STK32B: variants seen among roughly 807,000 people sequenced by gnomAD.
STK32B encodes the protein serine/threonine kinase 32B.
Under a neutral mutation model 52.6 loss-of-function variants are expected in STK32B, and 43 were observed. The ratio of observed to expected loss-of-function variants is 0.82; its 90% CI spans 0.64 to 1.05. The LOEUF (loss-of-function observed/expected upper bound fraction) is 1.05, where lower values mean the gene tolerates loss of function less well. Ranked by LOEUF, STK32B falls within the 50% of genes least tolerant of loss-of-function variation. STK32B has a pLI of 0.00. For synonymous variants in STK32B, 238 were observed against 204.3 expected (o/e 1.17, Z -1.41); for missense variants, 621 against 534.6 (o/e 1.16, Z -1.59).
chr4:5,115,298 T>A (rs1296616406), intron 1 of STK32B, among the ~76,000 whole-genome samples: 1 of 152,142 alleles, frequency 6.6e-6, no homozygotes, highest in Non-Finnish European at 1.5e-5. Flanking sequence ...CAAGCCCAGT[T>A]CTAATCTCTG....
intron 3 of STK32B, among the ~76,000 whole-genome samples, chr4:5,224,437 T>G (rs1215918423): frequency 6.6e-6 from 1 of 152,180 alleles, no homozygotes; most frequent in Non-Finnish European, 1.5e-5. Context: ...GAGACACAAG[T>G]ATAAATTTGT....
chr4:5,484,327 C>T (rs1210478479), intron 11 of STK32B, among the ~76,000 whole-genome samples: 1 of 152,140 alleles, frequency 6.6e-6, no homozygotes, highest in Non-Finnish European at 1.5e-5. Flanking sequence ...GAATTGATCC[C>T]TTTACCATTA....
chr4:5,099,460 G>A (rs931029146), intron 1 of STK32B, among the ~76,000 whole-genome samples: 2 of 152,098 alleles, frequency 1.3e-5, no homozygotes, highest in Non-Finnish European at 2.9e-5. Context: ...GCGCGCGCGC[G>A]TATGTGATGT....
At chr4:5,156,176 G>A (rs1171065136) in intron 2 of STK32B, among the ~76,000 whole-genome samples, 2 of 150,780 alleles carry the variant, frequency 1.3e-5, no homozygotes, top group African/African-American at 4.9e-5. Context: ...ATACACATAT[G>A]CATACACCAC....
chr4:5,078,308 C>CT (rs1483756987), intron 1 of STK32B, among the ~76,000 whole-genome samples: 1 of 152,138 alleles, frequency 6.6e-6, no homozygotes, highest in African/African-American at 2.4e-5. Context: ...CTCTCTAGAA[C>CT]TTTGTCAAAG....
chr4:5,071,084 T>C (rs968316952), intron 1 of STK32B, among the ~76,000 whole-genome samples: 21 of 152,158 alleles, frequency 1.4e-4, no homozygotes, highest in Admixed American at 1.2e-3. Flanking sequence ...ATGCACAGGT[T>C]GCAGGTCCCT....
chr4:5,452,354 G>A (rs1171362723), intron 7 of STK32B, among the ~76,000 whole-genome samples: 1 of 152,058 alleles, frequency 6.6e-6, no homozygotes, highest in African/African-American at 2.4e-5. Context: ...ACAAGGCGTG[G>A]GTGGGCTGAA....
intron 4 of STK32B, among the ~76,000 whole-genome samples, chr4:5,346,589 A>G (rs1312398458): frequency 6.6e-6 from 1 of 152,124 alleles, no homozygotes; most frequent in Non-Finnish European, 1.5e-5. Context: ...AGGCCTGGCC[A>G]CTCACCGCTG....
intron 1 of STK32B, among the ~76,000 whole-genome samples, chr4:5,062,595 G>A (rs1010802752): frequency 1.3e-5 from 2 of 151,948 alleles, no homozygotes; most frequent in African/African-American, 2.4e-5. Context: ...TGCAAGCTCC[G>A]CCTCCCAGGT....
chr4:5,221,591 T>A (rs1420792667), intron 3 of STK32B, among the ~76,000 whole-genome samples: 1 of 152,156 alleles, frequency 6.6e-6, no homozygotes, highest in Non-Finnish European at 1.5e-5. Context: ...ATGTCCATGT[T>A]CATGGTTGCT....
intron 11 of STK32B, among the ~76,000 whole-genome samples, chr4:5,477,795 T>C (rs1408646742): frequency 6.6e-6 from 1 of 152,096 alleles, no homozygotes; most frequent in Non-Finnish European, 1.5e-5. Flanking sequence ...GTGGCCTCAC[T>C]TAACACCAAG....
In STK32B at chr4:5,457,299, T is replaced by G. The variant is rs541394343; in HGVS notation, c.783+376T>G. Reference sequence around the variant, plus strand: ...GGCGCAGTCTCGACTCACTGCAAGCTCCGCCTCCCGGGTTCACGCCATTTT... The same window carrying G: ...GGCGCAGTCTCGACTCACTGCAAGCGCCGCCTCCCGGGTTCACGCCATTTT... On this transcript the variant is annotated intron_variant, in intron 8 of 11. Transcript: ENST00000282908. Among the ~76,000 whole-genome samples, 76 of 142,950 alleles carry G rather than the reference T, an allele frequency of 5.3e-4. 1 individual carries two copies. Among genetic ancestry groups the G allele is most frequent in the African/African-American group, 1.9e-3 (73 of 38,648 alleles). The allele number at this position is 142,950 out of a possible 152,430, so 93.8% of individuals were successfully genotyped here.
At chr4:5,276,096 C>T (rs1383940574) in intron 3 of STK32B, among the ~76,000 whole-genome samples, 3 of 152,060 alleles carry the variant, frequency 2.0e-5, no homozygotes, top group Admixed American at 6.5e-5. Flanking sequence ...CAAGACCAGC[C>T]TGGCCAACTT....
chr4:5,379,298 A>T (rs1735777410), intron 4 of STK32B, among the ~76,000 whole-genome samples: 1 of 152,006 alleles, frequency 6.6e-6, no homozygotes, highest in Non-Finnish European at 1.5e-5. Context: ...GCCCCCTTGT[A>T]TCCAGCACAT....
In STK32B at chr4:5,396,012, G is replaced by A. The variant is rs1736894228; in HGVS notation, c.435-2195G>A. Among the ~76,000 whole-genome samples, 1 of 152,244 alleles carries A rather than the reference G, an allele frequency of 6.6e-6. No individual in the cohort carries two copies. The highest frequency in any genetic ancestry group is 1.5e-5 in the Non-Finnish European group (1 of 68,042). ...CCAAGGCCATGCTGTCATTAATGGG[G>A]CCCTAGCTGCCCTTTGAGGTTTGCC... is the stretch of plus-strand genomic sequence containing the variant. On this transcript the variant is annotated intron_variant, in intron 4 of 11. Coordinates refer to ENST00000282908, the MANE Select transcript of STK32B (RefSeq NM_018401.3). The surrounding 1 kb of genome is among the most constrained non-coding windows in gnomAD (Gnocchi z 4.7).
At chr4:5,071,304 T>C (rs1322207029) in intron 1 of STK32B, among the ~76,000 whole-genome samples, 1 of 152,192 alleles carries the variant, frequency 6.6e-6, no homozygotes, top group African/African-American at 2.4e-5. Flanking sequence ...TGTTTGCATA[T>C]ATGTATACAG....
Position 5,467,621 on chromosome 4 carries a change from A to G in STK32B, c.1042-385A>G, listed in dbSNP as rs1229063417. ...CTCAAGATACCTTTCAGAGGACACA[A>G]TTCAACACACAACACCCCCCTCCCC... is the stretch of plus-strand genomic sequence containing the variant. On this transcript the variant is annotated intron_variant, in intron 10 of 11. Transcript: ENST00000282908. The surrounding 1 kb of genome is among the most constrained non-coding windows in gnomAD (Gnocchi z 5.8). 6.6e-5 allele frequency among the ~76,000 whole-genome samples: 10 copies of G among 152,094 alleles called. No homozygotes were observed. Among genetic ancestry groups the G allele is most frequent in the African/African-American group, 2.4e-4 (10 of 41,410 alleles).
At chr4:5,218,132 T>TATGCAGAG (rs1259604017) in intron 3 of STK32B, among the ~76,000 whole-genome samples, 2 of 152,206 alleles carry the variant, frequency 1.3e-5, no homozygotes, top group East Asian at 3.9e-4. Context: ...TCCTGGAAGT[T>TATGCAGAG]ATGCAGAGAC....
chr4:5,434,524 T>A (rs888651038), intron 6 of STK32B, among the ~76,000 whole-genome samples: 2 of 151,914 alleles, frequency 1.3e-5, no homozygotes, highest in African/African-American at 4.8e-5. Flanking sequence ...CTGGAAAATG[T>A]ATGGCCTTTG....
Sources: gnomAD v4.1 joint callset for allele counts (sites outside exome capture counted in the v4.1 genomes callset) on GRCh38, gnomAD v4.1.1 for gene constraint, Gnocchi (gnomAD v3.1) non-coding constraint, MANE v1.5 for transcripts, NCBI Gene and HGNC (gene_info 2026-07-23, HGNC 2026-07-21) for gene names.